The following KANK1 variants were observed in gnomAD, a reference collection of about 807,000 sequenced individuals.
KANK1 encodes KN motif and ankyrin repeat domain-containing protein 1.
In KANK1, 109 loss-of-function variants were observed where a neutral mutation model predicts 106.2. The ratio of observed to expected loss-of-function variants is 1.03; its 90% CI spans 0.88 to 1.20. KANK1 has a LOEUF of 1.20. Ranked by LOEUF, KANK1 falls within the 50% of genes most tolerant of loss-of-function variation. The pLI, the probability that KANK1 is intolerant of heterozygous loss-of-function variation, is 0.00. For synonymous variants in KANK1, 873 were observed against 652.2 expected (o/e 1.34, Z -5.16); for missense variants, 2,399 against 1,710.7 (o/e 1.40, Z -7.10).
chr9:485,432 G>T (rs1383833374), intron 3 of KANK1, among the ~76,000 whole-genome samples: 2 of 152,142 alleles, frequency 1.3e-5, no homozygotes, highest in Admixed American at 1.3e-4. Context: ...ATCACAAAAA[G>T]ATCTCTTGTG....
intron 1 of KANK1, among the ~76,000 whole-genome samples, chr9:524,502 C>T (rs1211437776): frequency 6.6e-6 from 1 of 151,532 alleles, no homozygotes; most frequent in Non-Finnish European, 1.5e-5. Context: ...AGTAGTATGT[C>T]ACTTATTGTG....
chr9:625,835 C>A (rs184432027), intron 1 of KANK1, among the ~76,000 whole-genome samples: 1 of 152,300 alleles, frequency 6.6e-6, no homozygotes, highest in East Asian at 1.9e-4. Context: ...AGTTTAGCCT[C>A]TTTCTAGGCT....
intron 3 of KANK1, among the ~76,000 whole-genome samples, chr9:498,119 C>G (rs575388892): frequency 2.4e-4 from 36 of 152,284 alleles, no homozygotes; most frequent in African/African-American, 8.2e-4. Context: ...TTGATCCTTA[C>G]TGCAACTTAA....
intron 1 of KANK1, among the ~76,000 whole-genome samples, chr9:556,177 A>G (rs941440987): frequency 2.0e-5 from 3 of 152,232 alleles, no homozygotes; most frequent in African/African-American, 7.2e-5. Context: ...AGAGGAGGAG[A>G]AATTTTAGAG....
chr9:682,489 C>G (rs754177758), intron 2 of KANK1, among the ~76,000 whole-genome samples: 5 of 152,044 alleles, frequency 3.3e-5, no homozygotes, highest in African/African-American at 4.8e-5. Context: ...TGCATTTTTC[C>G]AAGTCTTCAT....
chr9:503,478 C>A (rs184240601), upstream of KANK1, among the ~76,000 whole-genome samples: 2 of 152,302 alleles, frequency 1.3e-5, no homozygotes, highest in African/African-American at 4.8e-5. Context: ...AGGTGTGCTT[C>A]GCTGTGAACT....
chr9:513,993 G>A (rs1298672110), intron 1 of KANK1, among the ~76,000 whole-genome samples: 1 of 149,706 alleles, frequency 6.7e-6, no homozygotes, highest in Non-Finnish European at 1.5e-5. Flanking sequence ...TTCCAGCCTG[G>A]GTGACAGAGC....
intron 1 of KANK1, among the ~76,000 whole-genome samples, chr9:633,183 C>T (rs978644267): frequency 1.3e-5 from 2 of 152,064 alleles, no homozygotes; most frequent in Non-Finnish European, 2.9e-5. Flanking sequence ...CTTGACCGGG[C>T]GCAGTGGCTC....
At chr9:504,335 C>G (rs1266759524), upstream of KANK1, among the ~76,000 whole-genome samples, 3 of 151,566 alleles carry the variant, frequency 2.0e-5, no homozygotes, top group Non-Finnish European at 4.4e-5. Context: ...CTCGCCGCGG[C>G]GAGGCCCGCG....
rs150762360 is a variant in KANK1 at position 553,381 on chromosome 9, A to G, written c.-84+48627A>G. Among the ~76,000 whole-genome samples, 658 of 152,280 alleles carry G rather than the reference A, an allele frequency of 4.3e-3. 8 individuals carry two copies. The highest frequency in any genetic ancestry group is 0.015 in the African/African-American group (611 of 41,570). On this transcript the variant is annotated intron_variant, in intron 1 of 11. Coordinates refer to ENST00000382297, the MANE Select transcript of KANK1 (RefSeq NM_015158.5). ...TTTAAACACCTTTGATTTTCTCCCTATGATGAGGGGTATACTGTGATTTTT... is the reference window on the plus strand; with the variant it reads ...TTTAAACACCTTTGATTTTCTCCCTGTGATGAGGGGTATACTGTGATTTTT...
At chr9:597,782 G>A (rs1588124101) in intron 1 of KANK1, among the ~76,000 whole-genome samples, 1 of 151,550 alleles carries the variant, frequency 6.6e-6, no homozygotes, top group Non-Finnish European at 1.5e-5. Flanking sequence ...TCCTGCCTCA[G>A]CCTCCTGGGT....
At chr9:532,167 G>C (rs537550183) in intron 1 of KANK1, among the ~76,000 whole-genome samples, 16 of 151,670 alleles carry the variant, frequency 1.1e-4, no homozygotes, top group Non-Finnish European at 2.2e-4. Flanking sequence ...GCATAACGGT[G>C]AACAGAGATT....
intron 1 of KANK1, among the ~76,000 whole-genome samples, chr9:587,960 A>T (rs1823911766): frequency 6.6e-6 from 1 of 151,996 alleles, no homozygotes; most frequent in African/African-American, 2.4e-5. Flanking sequence ...CAGCTACTAG[A>T]GAGGCTGAGG....
At chr9:490,303 C>T (rs2058356624) in intron 3 of KANK1, among the ~76,000 whole-genome samples, 1 of 152,044 alleles carries the variant, frequency 6.6e-6, no homozygotes, top group African/African-American at 2.4e-5. Context: ...CTCAGGAGTT[C>T]AAGACCATCC....
chr9:489,911 C>G lies in KANK1; in HGVS notation c.-362+16638C>G, dbSNP rs12235814. The stretch of plus-strand genomic sequence containing the variant: ...AATGCTGACCTTGTATTAAACAATA[C>G]CTCTATGTCTGGGGGAACAAAACCG... On this transcript the variant is annotated intron_variant, in intron 3 of 15. Coordinates refer to the KANK1 transcript ENST00000382303. Among the ~76,000 whole-genome samples, 54 of 152,204 alleles carry G rather than the reference C, an allele frequency of 3.5e-4. No homozygotes were observed. The East Asian group carries it at 0.01, about 29-fold the overall frequency.
chr9:690,926 G>A (rs1308153595), intron 2 of KANK1, among the ~76,000 whole-genome samples: 2 of 152,208 alleles, frequency 1.3e-5, no homozygotes, highest in Non-Finnish European at 2.9e-5. Context: ...CTCTCCGCCT[G>A]TCAGAGGCCA....
chr9:631,380 A>G (rs1001878288), intron 1 of KANK1, among the ~76,000 whole-genome samples: 4 of 152,212 alleles, frequency 2.6e-5, no homozygotes, highest in East Asian at 3.9e-4. Flanking sequence ...TTGGCATTCC[A>G]TCCAAGATTT....
intron 1 of KANK1, among the ~76,000 whole-genome samples, chr9:565,149 A>C (rs566788771): frequency 7.4e-4 from 112 of 152,356 alleles, no homozygotes; most frequent in Non-Finnish European, 1.2e-3. Flanking sequence ...TAGGCATGTC[A>C]GGTAAACTTT....
intron 1 of KANK1, among the ~76,000 whole-genome samples, chr9:627,460 G>A (rs1359458170): frequency 1.3e-5 from 2 of 152,134 alleles, no homozygotes; most frequent in East Asian, 1.9e-4. Context: ...TCTTATCTCT[G>A]CTGGTAAGCT....
Sources: allele counts gnomAD v4.1 joint callset (sites outside exome capture counted in the v4.1 genomes callset), GRCh38; gene constraint gnomAD v4.1.1; transcripts MANE v1.5; gene names NCBI Gene and HGNC (gene_info 2026-07-23, HGNC 2026-07-21).